Variants in APOLD1 observed in about 807,000 individuals in gnomAD.
The protein encoded by APOLD1 is apolipoprotein L domain-containing protein 1.
In APOLD1, 22 loss-of-function variants were observed where a neutral mutation model predicts 15.3. The ratio of observed to expected loss-of-function variants is 1.44; its 90% CI spans 1.03 to 2.05. The LOEUF (loss-of-function observed/expected upper bound fraction) is 2.05, where lower values mean the gene tolerates loss of function less well. APOLD1 is among the 30% of genes most tolerant of loss of function. APOLD1 has a pLI of 0.00. For missense variants in APOLD1, 394 were observed against 353.5 expected (o/e 1.11, Z -0.92); for synonymous variants, 190 against 167.4 (o/e 1.13, Z -1.04).
intron 1 of APOLD1, among the ~76,000 whole-genome samples, chr12:12,757,497 C>T (rs143094356): frequency 1.3e-5 from 2 of 152,260 alleles, no homozygotes; most frequent in East Asian, 3.9e-4. Flanking sequence ...AAACATAAAA[C>T]ACAGATTCAT....
intron 1 of APOLD1, among the ~76,000 whole-genome samples, chr12:12,749,213 T>C (rs780872240): frequency 2.0e-5 from 3 of 152,050 alleles, no homozygotes; most frequent in Non-Finnish European, 4.4e-5. Context: ...TGAAGATGGC[T>C]GGGATAGAGC....
intron 1 of APOLD1, among the ~76,000 whole-genome samples, chr12:12,766,719 C>G (rs911660484): frequency 3.9e-5 from 6 of 152,108 alleles, no homozygotes; most frequent in Non-Finnish European, 7.4e-5. Context: ...TGTGGTGGCA[C>G]GTGCCTGTAA....
Position 12,787,064 on chromosome 12 carries a change from C to A in APOLD1, c.159C>A (p.Leu53=), listed in dbSNP as rs1189300101. ...RRLERLRRRS[L]VANVAGSSLS... The stretch of plus-strand genomic sequence containing the variant: ...TGGAGCGCCTGCGCAGGCGCTCCCT[C>A]GTAGCCAACGTGGCCGGCAGCTCGC... Residue 53 remains leucine (L), a synonymous_variant, in exon 2 of 2, where the codon CTC becomes CTA. Coordinates refer to ENST00000356591, the MANE Select transcript of APOLD1 (RefSeq NM_030817.3). This position sits in a 1 kb window ranked among gnomAD's most constrained non-coding sequence, Gnocchi z 4.9. 2 of 1,392,036 alleles carry A rather than the reference C, an allele frequency of 1.4e-6. No homozygotes were observed. Among genetic ancestry groups the A allele is most frequent in the Non-Finnish European group, 9.2e-7 (1 of 1,084,034 alleles). The allele number at this position is 1,392,036 out of a possible 1,614,324, so 86.2% of individuals were successfully genotyped here. A position where few individuals can be genotyped will look rare whatever the true frequency, so the allele number is the denominator to read the frequency against.
intron 1 of APOLD1, among the ~76,000 whole-genome samples, chr12:12,736,479 A>G (rs1475925972): frequency 1.3e-5 from 2 of 152,178 alleles, no homozygotes; most frequent in African/African-American, 4.8e-5. Context: ...GTGAGCCATG[A>G]TCACGCCACT....
At position 12,787,128 on chromosome 12, in the gene APOLD1, T is replaced by C; in HGVS notation, c.223T>C (p.Ser75Pro). The change falls in exon 2 of 2, where the codon TCG becomes CCG. Residue 75 changes from serine (S) to proline (P), a missense_variant. Transcript: ENST00000356591. This position sits in a 1 kb window ranked among gnomAD's most constrained non-coding sequence, Gnocchi z 4.9. ...TGALAAIVGL[S>P]LSPVTLGTSL... ...CGCCCTCGCCGCCATCGTGGGGCTC[T>C]CGCTCAGCCCGGTCACCCTGGGGAC... The C allele has an allele frequency of 6.8e-7, 1 of 1,462,234 alleles. No homozygotes were observed. Among genetic ancestry groups the C allele is most frequent in the East Asian group, 2.6e-5 (1 of 38,744 alleles). The allele number at this position is 1,462,234 out of a possible 1,614,324, so 90.6% of individuals were successfully genotyped here.
At chr12:12,728,131 GT>G (rs528266087) in intron 1 of APOLD1, among the ~76,000 whole-genome samples, 17 of 148,614 alleles carry the variant, frequency 1.1e-4, no homozygotes, top group Admixed American at 4.7e-4. Flanking sequence ...ACATCCAGCA[GT>G]TTTTTTTTTA....
chr12:12,753,629 C>T (rs1301698685), intron 1 of APOLD1, among the ~76,000 whole-genome samples: 1 of 152,082 alleles, frequency 6.6e-6, no homozygotes, highest in Non-Finnish European at 1.5e-5. Flanking sequence ...CTGTGGATCA[C>T]ACCACTGCAC....
At chr12:12,774,329 T>C (rs965604596) in intron 1 of APOLD1, among the ~76,000 whole-genome samples, 1 of 151,216 alleles carries the variant, frequency 6.6e-6, no homozygotes, top group Non-Finnish European at 1.5e-5. Flanking sequence ...TGAATCACTT[T>C]GGGTCAGGAG....
chr12:12,727,239 G>A (rs1592285641), intron 1 of APOLD1, among the ~76,000 whole-genome samples: 1 of 136,228 alleles, frequency 7.3e-6, no homozygotes, highest in Admixed American at 7.3e-5. Context: ...ACGTTTCCAA[G>A]AATTAGTATG....
intron 1 of APOLD1, among the ~76,000 whole-genome samples, chr12:12,733,765 G>T (rs1433900828): frequency 6.6e-6 from 1 of 152,106 alleles, no homozygotes; most frequent in East Asian, 1.9e-4. Context: ...ACCACACCCA[G>T]CTAATTTTTT....
intron 1 of APOLD1, among the ~76,000 whole-genome samples, chr12:12,756,664 G>T (rs374186221): frequency 1.6e-4 from 24 of 152,236 alleles, no homozygotes; most frequent in Middle Eastern, 6.8e-3. Flanking sequence ...TAAACACTAG[G>T]TTCCTATTCT....
chr12:12,743,515 A>G (rs922110170), intron 1 of APOLD1, among the ~76,000 whole-genome samples: 6 of 152,222 alleles, frequency 3.9e-5, no homozygotes, highest in African/African-American at 1.2e-4. Flanking sequence ...ATAGGTGACT[A>G]TGGAAGAGTG....
chr12:12,729,909 C>T (rs1946622826), intron 1 of APOLD1, among the ~76,000 whole-genome samples: 1 of 151,846 alleles, frequency 6.6e-6, no homozygotes, highest in Non-Finnish European at 1.5e-5. Context: ...ACTCTGTTAC[C>T]TAGGCTGGAG....
intron 1 of APOLD1, among the ~76,000 whole-genome samples, chr12:12,765,321 G>A (rs898745455): frequency 6.6e-6 from 1 of 152,022 alleles, no homozygotes; most frequent in African/African-American, 2.4e-5. Flanking sequence ...CTGAGTAGCT[G>A]GAACTACAGT....
intron 1 of APOLD1, among the ~76,000 whole-genome samples, chr12:12,748,257 T>A (rs1463524059): frequency 6.6e-6 from 1 of 152,236 alleles, no homozygotes; most frequent in African/African-American, 2.4e-5. Flanking sequence ...GCTTCCAATG[T>A]GTTAGCACGA....
At position 12,777,889 on chromosome 12, in the gene APOLD1, GTTTTTTTT is replaced by G. The variant is rs71436735; in HGVS notation, c.97-8991_97-8984del. Among the ~76,000 whole-genome samples the G allele has an allele frequency of 3.9e-3, 462 of 117,060 alleles. 6 individuals carry two copies. The highest frequency in any genetic ancestry group is 0.016 in the African/African-American group (424 of 26,648). The allele number at this position is 117,060 out of a possible 152,430, so 76.8% of individuals were successfully genotyped here. On this transcript the variant is annotated intron_variant, in intron 1 of 1. Transcript: ENST00000326765. The stretch of plus-strand genomic sequence containing the variant: ...AAATATCTTCTCTACAAGGAAAGGT[GTTTTTTTT>G]TTTTTTTTTTTTTTTTTTTTTTTTT...
chr12:12,780,249 CTTTTT>C (rs11288514), intron 1 of APOLD1, among the ~76,000 whole-genome samples: 3 of 145,486 alleles, frequency 2.1e-5, no homozygotes, highest in Admixed American at 2.0e-4. Context: ...TTTTAATTTG[CTTTTT>C]TTTTTTTTGA....
chr12:12,750,915 T>C (rs12321031), intron 1 of APOLD1, among the ~76,000 whole-genome samples: 60,831 of 151,288 alleles, frequency 0.4, 13,584 homozygotes, highest in South Asian at 0.52. Flanking sequence ...GCTGGGACTA[T>C]AGGCATGGGC....
chr12:12,743,853 G>A (rs1946744867), intron 1 of APOLD1, among the ~76,000 whole-genome samples: 2 of 152,196 alleles, frequency 1.3e-5, no homozygotes, highest in South Asian at 4.1e-4. Context: ...TTCGAGGATG[G>A]AGGAAAGGGG....
Sources: allele counts gnomAD v4.1 joint callset (sites outside exome capture counted in the v4.1 genomes callset), GRCh38; gene constraint gnomAD v4.1.1; non-coding constraint Gnocchi (gnomAD v3.1); transcripts MANE v1.5; gene names NCBI Gene and HGNC (gene_info 2026-07-23, HGNC 2026-07-21).